The following FNTB variants were observed in gnomAD, a reference collection of about 807,000 sequenced individuals.
FNTB encodes the protein farnesyltransferase, CAAX box, subunit beta.
A neutral mutation model predicts 59.4 loss-of-function variants in FNTB; 27 were observed. The observed-to-expected ratio is 0.45, with a 90% CI of 0.34 to 0.63. FNTB has a LOEUF of 0.63. FNTB is among the 20% of genes least tolerant of loss of function. FNTB has a pLI of 0.02. For synonymous variants in FNTB, 230 were observed against 220.7 expected (o/e 1.04, Z -0.37); for missense variants, 449 against 559.6 (o/e 0.80, Z 1.99).
intron 7 of FNTB, among the ~76,000 whole-genome samples, chr14:65,037,350 G>C (rs1221312007): frequency 2.9e-5 from 4 of 135,836 alleles, no homozygotes; most frequent in African/African-American, 1.1e-4. Flanking sequence ...GTGATCGCCT[G>C]CCTCGGCCTC....
At chr14:65,053,210 C>T (rs2062652302) in intron 9 of FNTB, 28 bp from the exon 10 acceptor site, 1 of 1,347,962 alleles carries the variant, frequency 7.4e-7, no homozygotes, top group Admixed American at 3.0e-5. Flanking sequence ...ATCTGCCGGG[C>T]CCTTACTGAC....
At position 65,009,437 on chromosome 14, in the gene FNTB, A is replaced by G. The variant is rs2061651223; in HGVS notation, c.210-2880A>G. ...GTGGCCACTCCACAGCTCTCCCACCATCTTGACTCCTAGTTCCTGAGAAAA... is the reference window on the plus strand; with the variant it reads ...GTGGCCACTCCACAGCTCTCCCACCGTCTTGACTCCTAGTTCCTGAGAAAA... On this transcript the variant is annotated intron_variant, in intron 2 of 11. Transcript: ENST00000246166. This position sits in a 1 kb window ranked among gnomAD's most constrained non-coding sequence, Gnocchi z 4.2. Among the ~76,000 whole-genome samples, 1 of 152,036 alleles carries G rather than the reference A, an allele frequency of 6.6e-6. No homozygotes were observed. The highest frequency in any genetic ancestry group is 2.4e-5 in the African/African-American group (1 of 41,368).
chr14:64,993,252 A>T (rs1888272341), intron 1 of FNTB, among the ~76,000 whole-genome samples: 1 of 152,124 alleles, frequency 6.6e-6, no homozygotes, highest in Non-Finnish European at 1.5e-5. Context: ...ACAGGGTGAG[A>T]CTCCATCTCT....
At chr14:65,060,870 CAA>C (rs58241887) in intron 11 of FNTB, among the ~76,000 whole-genome samples, 7,481 of 79,616 alleles carry the variant, frequency 0.094, 305 homozygotes, top group East Asian at 0.29. Flanking sequence ...AAGACTCTCT[CAA>C]AAAAAAAAAA....
intron 1 of FNTB, among the ~76,000 whole-genome samples, chr14:64,988,830 A>G (rs1321347842): frequency 6.6e-6 from 1 of 152,188 alleles, no homozygotes; most frequent in Non-Finnish European, 1.5e-5. Flanking sequence ...ATTAGAGTCT[A>G]GGATGAACAG....
intron 2 of FNTB, among the ~76,000 whole-genome samples, chr14:65,006,685 T>G (rs1471366276): frequency 6.6e-6 from 1 of 152,214 alleles, no homozygotes. Flanking sequence ...AGCCTCTGTT[T>G]CTCACATGAA....
intron 7 of FNTB, among the ~76,000 whole-genome samples, chr14:65,035,218 T>C (rs1032320655): frequency 6.6e-6 from 1 of 152,184 alleles, no homozygotes; most frequent in Non-Finnish European, 1.5e-5. Flanking sequence ...GGCCTGCTGC[T>C]GCCGCCCTGG....
chr14:65,060,213 AAAAC>A (rs201973113), intron 11 of FNTB, among the ~76,000 whole-genome samples: 1,571 of 152,276 alleles, frequency 0.01, 11 homozygotes, highest in South Asian at 0.017. Flanking sequence ...AAGAAAATGA[AAAAC>A]AATCATATCA....
chr14:65,043,321 C>T (rs1048599380), intron 8 of FNTB, among the ~76,000 whole-genome samples: 7 of 152,232 alleles, frequency 4.6e-5, no homozygotes, highest in East Asian at 1.9e-4. Context: ...CGTGTGTGAC[C>T]GCTGAGTGAC....
Position 65,054,520 on chromosome 14 carries a change from T to G in FNTB, c.1068-55T>G. The G allele has an allele frequency of 6.5e-7, 1 of 1,546,334 alleles. No homozygotes were observed. The highest frequency in any genetic ancestry group is 2.4e-5 in the East Asian group (1 of 42,178). On this transcript the variant is annotated intron_variant, in intron 10 of 11. Coordinates refer to ENST00000246166, the MANE Select transcript of FNTB (RefSeq NM_002028.4). The surrounding 1 kb of genome is among the most constrained non-coding windows in gnomAD (Gnocchi z 4.4). Reference sequence around the variant, plus strand: ...GGTCTCTGAATTGGTGTGGCTACATTTGTAGATGTGTGCGGAGCAGAGGAG... The same window carrying G: ...GGTCTCTGAATTGGTGTGGCTACATGTGTAGATGTGTGCGGAGCAGAGGAG...
chr14:65,037,661 G>A (rs1159299861), intron 7 of FNTB, among the ~76,000 whole-genome samples: 3 of 149,586 alleles, frequency 2.0e-5, no homozygotes, highest in African/African-American at 4.9e-5. Context: ...CTGGGCTGAC[G>A]TAATCCTCCT....
Position 65,007,299 on chromosome 14 carries a change from A to G in FNTB, c.209+2986A>G, listed in dbSNP as rs1208424695. Reference sequence around the variant, plus strand: ...GTCTGACACTTTAATACAGGAAGTAACCTTCACTGTTAGCTGAAGTGCATG... The same window carrying G: ...GTCTGACACTTTAATACAGGAAGTAGCCTTCACTGTTAGCTGAAGTGCATG... On this transcript the variant is annotated intron_variant, in intron 2 of 11. Transcript: ENST00000246166. This position sits in a 1 kb window ranked among gnomAD's most constrained non-coding sequence, Gnocchi z 4.9. Among the ~76,000 whole-genome samples, 1 of 152,240 alleles carries G rather than the reference A, an allele frequency of 6.6e-6. No individual in the cohort carries two copies. The highest frequency in any genetic ancestry group is 1.5e-5 in the Non-Finnish European group (1 of 68,042).
chr14:65,018,267 C>T (rs1345827798), intron 4 of FNTB, among the ~76,000 whole-genome samples: 1 of 152,100 alleles, frequency 6.6e-6, no homozygotes, highest in African/African-American at 2.4e-5. Flanking sequence ...GGGTTTGAGG[C>T]TGCAGTGAGC....
intron 1 of FNTB, 132 bp downstream of exon 1, chr14:64,987,229 C>T (rs1887981130): frequency 3.6e-6 from 4 of 1,126,066 alleles, no homozygotes; most frequent in Non-Finnish European, 5.0e-6. Context: ...TGCCTTTCCT[C>T]TGGGAAGCTC....
In FNTB at chr14:65,053,243, C is replaced by A. The variant is rs767511748; in HGVS notation, c.961C>A (p.Pro321Thr). ...GACCCTTTGCCCTTCAACAGGTGAC[C>A]CTGCCCTTAGCATGAGCCACTGGAT... ...LHRALHAQGD[P>T]ALSMSHWMFH... The change falls in exon 10 of 12, where the codon CCT (proline) becomes ACT (threonine). Residue 321 changes from proline (P) to threonine (T), a missense_variant. Pro to Thr is a conservative substitution (Grantham distance 38, BLOSUM62 -1). This residue lies in a region of FNTB where 337 missense variants were observed against 479.1 expected (regional missense o/e 0.70). Coordinates refer to ENST00000246166, the MANE Select transcript of FNTB (RefSeq NM_002028.4). The A allele has an allele frequency of 2.9e-6, 4 of 1,400,172 alleles. No individual in the cohort carries two copies. The highest frequency in any genetic ancestry group is 3.8e-6 in the Non-Finnish European group (4 of 1,066,356). The allele number at this position is 1,400,172 out of a possible 1,614,324, so 86.7% of individuals were successfully genotyped here.
Position 65,029,035 on chromosome 14 carries a change from T to C in FNTB, c.605+1254T>C, listed in dbSNP as rs1467678800. Among the ~76,000 whole-genome samples the C allele has an allele frequency of 1.3e-5, 2 of 152,244 alleles. No individual in the cohort carries two copies. Among genetic ancestry groups the C allele is most frequent in the East Asian group, 3.8e-4 (2 of 5,204 alleles). ...GCACTTTTTTTTTCCCTATGCTCTT[T>C]ATTTATATGTTCTAGATAAATGCTA... On this transcript the variant is annotated intron_variant, in intron 6 of 11. Transcript: ENST00000246166. This position sits in a 1 kb window ranked among gnomAD's most constrained non-coding sequence, Gnocchi z 4.7.
At chr14:65,037,412 T>TG (rs1313425360) in intron 7 of FNTB, among the ~76,000 whole-genome samples, 1 of 86,920 alleles carries the variant, frequency 1.2e-5, no homozygotes, top group African/African-American at 5.5e-5. Flanking sequence ...CCTTTTTTTT[T>TG]TTTTTTTTTT....
chr14:65,047,426 T>C lies in FNTB; in HGVS notation c.955+2983T>C. Among the ~76,000 whole-genome samples, 1 of 152,256 alleles carries C rather than the reference T, an allele frequency of 6.6e-6. No individual in the cohort carries two copies. The highest frequency in any genetic ancestry group is 1.5e-5 in the Non-Finnish European group (1 of 68,044). On this transcript the variant is annotated intron_variant, in intron 9 of 11. Coordinates refer to ENST00000246166, the MANE Select transcript of FNTB (RefSeq NM_002028.4). This position sits in a 1 kb window ranked among gnomAD's most constrained non-coding sequence, Gnocchi z 5.2. The stretch of plus-strand genomic sequence containing the variant: ...GGTGGCCATTAATCCAACGAAAAAT[T>C]GTTTAGCTCACTTGTAGTAAAAGAA...
intron 9 of FNTB, among the ~76,000 whole-genome samples, chr14:65,051,995 C>A (rs951954237): frequency 1.3e-5 from 2 of 151,964 alleles, no homozygotes; most frequent in Admixed American, 1.3e-4. Flanking sequence ...CAGGGTTTCA[C>A]CGTGTTAGCC....
Sources: allele counts gnomAD v4.1 joint callset (sites outside exome capture counted in the v4.1 genomes callset), GRCh38; gene constraint gnomAD v4.1.1; regional missense constraint gnomAD v4.1.1; non-coding constraint Gnocchi (gnomAD v3.1); transcripts MANE v1.5; gene names NCBI Gene and HGNC (gene_info 2026-07-23, HGNC 2026-07-21).